PRP4K: variants seen among roughly 807,000 people sequenced by gnomAD.
PRP4K encodes the protein pre-mRNA processing factor kinase PRP4K, also known as serine/threonine-protein kinase PRP4 homolog.
chr6:4,036,372 C>T, the PRP4K span, among the ~76,000 whole-genome samples: 1 of 152,116 alleles, frequency 6.6e-6, no homozygotes, highest in African/African-American at 2.4e-5. Flanking sequence ...TAGGCACATG[C>T]CACCACACTT....
chr6:4,037,391 C>A, the PRP4K span: 1 of 1,599,848 alleles, frequency 6.3e-7, no homozygotes, highest in South Asian at 1.1e-5. Flanking sequence ...ATTTGATCCC[C>A]TTAAGAACAC....
At chr6:4,024,713 C>A in the PRP4K span, among the ~76,000 whole-genome samples, 1 of 152,150 alleles carries the variant, frequency 6.6e-6, no homozygotes. Context: ...AGTGATTCTC[C>A]TGTCTCTGTC....
chr6:4,040,114 G>C, the PRP4K span, among the ~76,000 whole-genome samples: 5,323 of 151,286 alleles, frequency 0.035, 126 homozygotes, highest in Middle Eastern at 0.059. Flanking sequence ...TCAAACTCCC[G>C]AGCTCCCTGC....
At chr6:4,025,791 T>C in the PRP4K span, among the ~76,000 whole-genome samples, 1 of 152,156 alleles carries the variant, frequency 6.6e-6, no homozygotes, top group Non-Finnish European at 1.5e-5. Context: ...TTAGAAAAGA[T>C]AAGGTTCAAA....
chr6:4,056,428 T>G, the PRP4K span: 2 of 1,613,662 alleles, frequency 1.2e-6, no homozygotes, highest in South Asian at 2.2e-5. Flanking sequence ...ATCGTGCTCC[T>G]GAAATCAGTA....
At chr6:4,052,141 A>G in the PRP4K span, 1 of 1,498,860 alleles carries the variant, frequency 6.7e-7, no homozygotes, top group Non-Finnish European at 8.9e-7. Context: ...TAACTTCTTC[A>G]TCTTTACGAT....
chr6:4,051,701 C>T, the PRP4K span, among the ~76,000 whole-genome samples: 6 of 152,066 alleles, frequency 3.9e-5, no homozygotes, highest in South Asian at 4.1e-4. Context: ...GGGTTTGTTC[C>T]TCAATGTTTC....
At chr6:4,042,436 T>C in the PRP4K span, 1 of 1,373,820 alleles carries the variant, frequency 7.3e-7, no homozygotes, top group Non-Finnish European at 1.0e-6. Flanking sequence ...TTAAAATGTA[T>C]AAGGGGTATG....
the PRP4K span, among the ~76,000 whole-genome samples, chr6:4,029,854 T>C: frequency 4.7e-4 from 71 of 152,290 alleles, no homozygotes; most frequent in African/African-American, 1.6e-3. Context: ...CAGTATTTTA[T>C]GGTTATGTCA....
chr6:4,045,992 T>C, the PRP4K span, among the ~76,000 whole-genome samples: 1 of 152,356 alleles, frequency 6.6e-6, no homozygotes, highest in Admixed American at 6.5e-5. Context: ...ATCGATATAC[T>C]TTTCCTCACT....
At chr6:4,039,786 A>G in the PRP4K span, among the ~76,000 whole-genome samples, 2 of 152,046 alleles carry the variant, frequency 1.3e-5, no homozygotes, top group Admixed American at 6.5e-5. Flanking sequence ...CATCTCTGCT[A>G]TCATCTCTCT....
the PRP4K span, chr6:4,060,747 A>G: frequency 1.2e-6 from 1 of 808,578 alleles, no homozygotes; most frequent in Non-Finnish European, 1.9e-6. The surrounding 1 kb of genome is among the most constrained non-coding windows in gnomAD (Gnocchi z 4.7). Context: ...ATTTGAATTA[A>G]CACCAAGGGT....
At chr6:4,051,123 T>C in the PRP4K span, among the ~76,000 whole-genome samples, 7 of 152,070 alleles carry the variant, frequency 4.6e-5, no homozygotes, top group African/African-American at 1.7e-4. Context: ...TTGGCCAGGC[T>C]GGTCTTGAAC....
chr6:4,056,803 T>A, the PRP4K span: 1 of 1,283,140 alleles, frequency 7.8e-7, no homozygotes, highest in East Asian at 2.7e-5. Context: ...GAAATACATA[T>A]TTTCTTTTGC....
At chr6:4,044,863 A>ATTATTAT in the PRP4K span, among the ~76,000 whole-genome samples, 4 of 132,326 alleles carry the variant, frequency 3.0e-5, no homozygotes, top group African/African-American at 1.2e-4. Flanking sequence ...TATTATTATT[A>ATTATTAT]TTTTTTTTTT....
the PRP4K span, among the ~76,000 whole-genome samples, chr6:4,025,593 TTAA>T: frequency 6.6e-6 from 1 of 152,210 alleles, no homozygotes; most frequent in Non-Finnish European, 1.5e-5. Flanking sequence ...ATAATACTCA[TTAA>T]TTTACAATGG....
the PRP4K span, chr6:4,031,497 T>C: frequency 7.9e-7 from 1 of 1,262,878 alleles, no homozygotes; most frequent in East Asian, 2.4e-5. Flanking sequence ...TGTTATTTTC[T>C]TATGGCTCTT....
the PRP4K span, among the ~76,000 whole-genome samples, chr6:4,060,224 G>A: frequency 1.3e-5 from 2 of 152,018 alleles, no homozygotes; most frequent in Non-Finnish European, 2.9e-5. The surrounding 1 kb of genome is among the most constrained non-coding windows in gnomAD (Gnocchi z 4.7). Context: ...GCAAAAATAC[G>A]GTATTCCAAT....
the PRP4K span, among the ~76,000 whole-genome samples, chr6:4,033,661 C>T: frequency 6.6e-6 from 1 of 152,098 alleles, no homozygotes; most frequent in Non-Finnish European, 1.5e-5. Context: ...GTTATTAATT[C>T]CTAGCCGTTT....
Sources: allele counts gnomAD v4.1 joint callset (sites outside exome capture counted in the v4.1 genomes callset), GRCh38; gene constraint gnomAD v4.1.1; non-coding constraint Gnocchi (gnomAD v3.1); transcripts MANE v1.5; gene names NCBI Gene and HGNC (gene_info 2026-07-23, HGNC 2026-07-21).